The following PCDHGA1 variants were observed in gnomAD, a reference collection of about 807,000 sequenced individuals.
PCDHGA1 encodes the protein protocadherin gamma subfamily A, 1, also known as protocadherin gamma-A1.
PCDHGA1 carries 32 observed loss-of-function variants against 58.0 expected under a neutral mutation model. That is an observed-to-expected ratio of 0.55 (90% CI 0.42 to 0.74). The LOEUF (loss-of-function observed/expected upper bound fraction) is 0.74. Ranked by LOEUF, PCDHGA1 falls within the 30% of genes least tolerant of loss-of-function variation. The pLI is 0.00. For synonymous variants in PCDHGA1, 498 were observed against 501.1 expected, an observed-to-expected ratio of 0.99 and a Z score of 0.08; for missense variants, 1,205 against 1,182.3, an observed-to-expected ratio of 1.02 and a Z score of -0.28.
At chr5:141,362,297 C>G in intron 1 of PCDHGA1, 1 of 1,614,082 alleles carries the variant, frequency 6.2e-7, no homozygotes, top group Non-Finnish European at 8.5e-7. Flanking sequence ...TCTTCCAGGT[C>G]AGATGCTTGG....
intron 1 of PCDHGA1, among the ~76,000 whole-genome samples, chr5:141,483,993 G>T (rs1307708919): frequency 6.8e-6 from 1 of 147,882 alleles, no homozygotes; most frequent in Non-Finnish European, 1.5e-5. Flanking sequence ...AGGTTGCTGG[G>T]AGGTCTGGAT....
intron 1 of PCDHGA1, chr5:141,360,147 C>T (rs1381094393): frequency 7.5e-6 from 12 of 1,600,974 alleles, no homozygotes; most frequent in Non-Finnish European, 1.0e-5. Flanking sequence ...TGAAAGCGAG[C>T]TCAGGGAGGT....
At chr5:141,402,103 A>C (rs565155809) in intron 1 of PCDHGA1, among the ~76,000 whole-genome samples, 3 of 152,336 alleles carry the variant, frequency 2.0e-5, no homozygotes, top group African/African-American at 4.8e-5. Flanking sequence ...TTAAGCAATT[A>C]CAAAAATGTG....
intron 1 of PCDHGA1, among the ~76,000 whole-genome samples, chr5:141,354,556 A>G (rs376239223): frequency 6.6e-6 from 1 of 152,248 alleles, no homozygotes; most frequent in Non-Finnish European, 1.5e-5. Flanking sequence ...AACTCCTGTG[A>G]GGAAACTTGT....
At chr5:141,492,070 G>T (rs1408035481) in intron 1 of PCDHGA1, 1 of 477,946 alleles carries the variant, frequency 2.1e-6, no homozygotes. Context: ...CCTCCTAGGC[G>T]CCGGCTCCGG....
intron 1 of PCDHGA1, chr5:141,408,082 G>C (rs890768118): frequency 2.1e-6 from 3 of 1,417,248 alleles, no homozygotes; most frequent in Non-Finnish European, 1.9e-6. Flanking sequence ...TCCCAGCACA[G>C]CGGATTGCCA....
chr5:141,360,641 G>A, intron 1 of PCDHGA1: 1 of 1,613,962 alleles, frequency 6.2e-7, no homozygotes, highest in Non-Finnish European at 8.5e-7. Flanking sequence ...TCACTACAAA[G>A]ATACCACCTT....
intron 1 of PCDHGA1, chr5:141,367,435 G>A (rs578251021): frequency 6.6e-6 from 1 of 152,322 alleles, no homozygotes; most frequent in African/African-American, 2.4e-5. Flanking sequence ...TACTCGGAAG[G>A]CTGAGGCAGG....
chr5:141,422,344 C>G, intron 1 of PCDHGA1: 1 of 1,550,890 alleles, frequency 6.4e-7, no homozygotes, highest in Non-Finnish European at 8.7e-7. Flanking sequence ...TCTAAATGTG[C>G]AAGATCAAGA....
At chr5:141,509,404 A>C (rs1248030362) in intron 3 of PCDHGA1, among the ~76,000 whole-genome samples, 3 of 152,112 alleles carry the variant, frequency 2.0e-5, no homozygotes, top group Non-Finnish European at 4.4e-5. Context: ...CAGGGCCTCC[A>C]GCAGCGAGCC....
At chr5:141,375,170 G>A in intron 1 of PCDHGA1, 2 of 1,613,964 alleles carry the variant, frequency 1.2e-6, no homozygotes, top group Admixed American at 1.7e-5. Context: ...TGCACCTCCA[G>A]GAACAGTAAT....
intron 1 of PCDHGA1, chr5:141,356,634 C>A (rs750676193): frequency 4.3e-6 from 7 of 1,614,158 alleles, no homozygotes; most frequent in Non-Finnish European, 5.9e-6. Context: ...CTGCTCAAGA[C>A]CCTGACAGTG....
At chr5:141,451,127 CT>C (rs1264048458) in intron 1 of PCDHGA1, among the ~76,000 whole-genome samples, 1 of 152,132 alleles carries the variant, frequency 6.6e-6, no homozygotes, top group Non-Finnish European at 1.5e-5. Context: ...CACACCCAGC[CT>C]TATGATTGTA....
intron 1 of PCDHGA1, chr5:141,416,482 A>G (rs1009921478): frequency 6.6e-6 from 1 of 152,210 alleles, no homozygotes; most frequent in East Asian, 1.9e-4. Context: ...TGTTCCCGAG[A>G]ACAGGAGCAA....
chr5:141,364,599 T>G, intron 1 of PCDHGA1: 1 of 1,614,178 alleles, frequency 6.2e-7, no homozygotes, highest in Non-Finnish European at 8.5e-7. Context: ...GCGGGCAGGA[T>G]AGACCGGGAG....
chr5:141,399,009 C>A (rs759328384), intron 1 of PCDHGA1: 1 of 1,613,812 alleles, frequency 6.2e-7, no homozygotes, highest in African/African-American at 1.3e-5. Context: ...ATTCAAAGAG[C>A]GGAGAAATTA....
At chr5:141,418,484 C>T (rs771278923) in intron 1 of PCDHGA1, 1 of 1,613,878 alleles carries the variant, frequency 6.2e-7, no homozygotes, top group East Asian at 2.2e-5. Flanking sequence ...GAGCGCTCAC[C>T]ACTTGGTACT....
rs755091154 is a variant in PCDHGA1 at position 141,402,943 on chromosome 5, C to T, written c.2421+69838C>T. The stretch of plus-strand genomic sequence containing the variant: ...AGATCCTTTTGAGAAAATTCCAAAG[C>T]GAGGCAGCAATGGCAGCTCCAACCA... On this transcript the variant is annotated intron_variant, in intron 1 of 3. Transcript: ENST00000517417. 1.1e-5 allele frequency: 17 copies of T among 1,590,762 alleles called. No individual in the cohort carries two copies. The African/African-American group carries it at 2.0e-4, about 19-fold the overall frequency.
chr5:141,502,868 T>TTTTTTTTTC (rs1298099288), intron 2 of PCDHGA1, among the ~76,000 whole-genome samples: 1 of 147,026 alleles, frequency 6.8e-6, no homozygotes, highest in Non-Finnish European at 1.5e-5. Flanking sequence ...CTCTCTGTCT[T>TTTTTTTTTC]TTTTTTTTTT....
Sources: gnomAD v4.1 joint callset for allele counts (sites outside exome capture counted in the v4.1 genomes callset) on GRCh38, gnomAD v4.1.1 for gene constraint, MANE v1.5 for transcripts, NCBI Gene and HGNC (gene_info 2026-07-23, HGNC 2026-07-21) for gene names.